MACROD2: variants seen among roughly 807,000 people sequenced by gnomAD.
MACROD2 encodes mono-ADP ribosylhydrolase 2, also known as ADP-ribose glycohydrolase MACROD2.
A neutral mutation model predicts 70.4 loss-of-function variants in MACROD2; 36 were observed. The observed-to-expected ratio is 0.51, with a 90% CI of 0.39 to 0.68. The LOEUF is 0.68. Among genes scored for constraint, MACROD2 ranks in the 30% least tolerant of loss-of-function variants. The pLI, the probability that MACROD2 is intolerant of heterozygous loss-of-function variation, is 0.00. For missense variants in MACROD2, 496 were observed against 538.4 expected (o/e 0.92, Z 0.78); for synonymous variants, 172 against 178.8 (o/e 0.96, Z 0.30).
At position 15,053,253 on chromosome 20, in the gene MACROD2, C is replaced by T. The variant is rs187785016; in HGVS notation, c.419-176687C>T. On this transcript the variant is annotated intron_variant, in intron 5 of 17. Coordinates refer to ENST00000684519, the MANE Select transcript of MACROD2 (RefSeq NM_001351661.2). ...GCTATACCAAATGACAGATTTTCAA[C>T]GTAGATGAAACAGCGTTATATTGGA... is the stretch of plus-strand genomic sequence containing the variant. 4.1e-4 allele frequency among the ~76,000 whole-genome samples: 63 copies of T among 152,250 alleles called. No individual in the cohort carries two copies. In the Middle Eastern group the frequency reaches 0.01, roughly 25 times the overall value.
chr20:14,353,162 TAGTC>T (rs2083140552), intron 3 of MACROD2, among the ~76,000 whole-genome samples: 1 of 152,156 alleles, frequency 6.6e-6, no homozygotes, highest in Non-Finnish European at 1.5e-5. Context: ...GTCCTCCACA[TAGTC>T]AGCGACCCAT....
At chr20:15,023,290 A>G (rs1009038201) in intron 5 of MACROD2, among the ~76,000 whole-genome samples, 3 of 152,208 alleles carry the variant, frequency 2.0e-5, no homozygotes, top group African/African-American at 7.2e-5. Flanking sequence ...TTAAATGGGC[A>G]TTTATATCTT....
chr20:14,467,829 C>T (rs376149588), intron 3 of MACROD2, among the ~76,000 whole-genome samples: 3 of 152,204 alleles, frequency 2.0e-5, no homozygotes, highest in South Asian at 2.1e-4. Flanking sequence ...TCATTAGTTT[C>T]GAAGAACTTA....
chr20:14,498,812 G>A (rs13036870), intron 4 of MACROD2, among the ~76,000 whole-genome samples: 23,233 of 152,170 alleles, frequency 0.15, 2,530 homozygotes, highest in Non-Finnish European at 0.22. Context: ...AGAGTGGAGC[G>A]CCCTCTCACC....
At chr20:15,251,509 A>G (rs971800061) in intron 6 of MACROD2, among the ~76,000 whole-genome samples, 1 of 152,210 alleles carries the variant, frequency 6.6e-6, no homozygotes, top group African/African-American at 2.4e-5. Flanking sequence ...TGCATCCCCT[A>G]TATTCCTTAA....
intron 8 of MACROD2, among the ~76,000 whole-genome samples, chr20:15,751,366 T>C (rs1240909441): frequency 1.3e-5 from 2 of 152,054 alleles, no homozygotes; most frequent in Non-Finnish European, 2.9e-5. Flanking sequence ...TACTTTATCA[T>C]AACATGTATA....
chr20:15,895,601 G>A (rs572826572), intron 10 of MACROD2, among the ~76,000 whole-genome samples: 41 of 152,314 alleles, frequency 2.7e-4, no homozygotes, highest in African/African-American at 9.9e-4. Context: ...AAAGAGACAT[G>A]GGGTTTTCCT....
At chr20:15,897,325 A>T (rs941488868) in intron 10 of MACROD2, among the ~76,000 whole-genome samples, 1 of 152,072 alleles carries the variant, frequency 6.6e-6, no homozygotes, top group Admixed American at 6.6e-5. Flanking sequence ...GTCTGTTTTG[A>T]CAATCTACTC....
intron 9 of MACROD2, among the ~76,000 whole-genome samples, chr20:15,874,050 G>A (rs539533797): frequency 1.1e-4 from 16 of 150,942 alleles, no homozygotes; most frequent in African/African-American, 2.9e-4. Context: ...TTCTCCTAAC[G>A]CTATCCCTCC....
chr20:14,290,507 A>AT (rs11350359), intron 3 of MACROD2, among the ~76,000 whole-genome samples: 2,198 of 133,152 alleles, frequency 0.017, 24 homozygotes, highest in Middle Eastern at 0.052. Flanking sequence ...AGGTAGCTGT[A>AT]TTTTTTTTTT....
chr20:14,201,920 TATAACAATATATA>T (rs1412503943), intron 3 of MACROD2, among the ~76,000 whole-genome samples: 3 of 151,740 alleles, frequency 2.0e-5, no homozygotes, highest in African/African-American at 7.3e-5. Flanking sequence ...GCATGTCACA[TATAACAATATATA>T]ATATATATTG....
chr20:14,527,283 C>G (rs2085245185), intron 4 of MACROD2, among the ~76,000 whole-genome samples: 1 of 152,130 alleles, frequency 6.6e-6, no homozygotes, highest in African/African-American at 2.4e-5. Flanking sequence ...TTTTCGTAGG[C>G]ACACGATGGG....
rs1041849822 is a variant in MACROD2, at chr20:14,966,450, C to T, written c.419-263490C>T. ...AGTCATTAAAGCATGGTGGTGCATG[C>T]CTGTAGACCCAGCTACTCAGGAGGC... On this transcript the variant is annotated intron_variant, in intron 5 of 17. Coordinates refer to ENST00000684519, the MANE Select transcript of MACROD2 (RefSeq NM_001351661.2). Among the ~76,000 whole-genome samples the T allele has an allele frequency of 2.6e-5, 4 of 152,106 alleles. No homozygotes were observed. The East Asian group carries it at 7.7e-4, about 29-fold the overall frequency.
chr20:14,211,235 C>A (rs1362224038), intron 3 of MACROD2, among the ~76,000 whole-genome samples: 2 of 152,164 alleles, frequency 1.3e-5, no homozygotes, highest in Non-Finnish European at 2.9e-5. Flanking sequence ...CTGATGTTTT[C>A]ATTTCCTAGC....
chr20:15,797,789 A>G (rs1437673331), intron 8 of MACROD2, among the ~76,000 whole-genome samples: 1 of 152,202 alleles, frequency 6.6e-6, no homozygotes, highest in East Asian at 1.9e-4. Context: ...TGAAGGGCTT[A>G]CTAAAGCAAA....
intron 4 of MACROD2, among the ~76,000 whole-genome samples, chr20:14,675,074 T>C (rs2070843293): frequency 6.6e-6 from 1 of 152,160 alleles, no homozygotes; most frequent in African/African-American, 2.4e-5. Context: ...AAACCTACTT[T>C]TGATTGGTGT....
chr20:15,393,625 A>G (rs1342963504), intron 6 of MACROD2, among the ~76,000 whole-genome samples: 1 of 151,996 alleles, frequency 6.6e-6, no homozygotes, highest in Non-Finnish European at 1.5e-5. Context: ...TTTCATTTCA[A>G]TGTCCGCTGT....
intron 2 of MACROD2, among the ~76,000 whole-genome samples, chr20:14,017,356 A>G (rs1177924241): frequency 2.6e-5 from 4 of 152,062 alleles, no homozygotes; most frequent in African/African-American, 9.7e-5. Flanking sequence ...TTCCAATATT[A>G]TGTTGGCTAG....
chr20:14,635,621 G>T (rs1191337952), intron 4 of MACROD2, among the ~76,000 whole-genome samples: 1 of 152,136 alleles, frequency 6.6e-6, no homozygotes, highest in Non-Finnish European at 1.5e-5. Context: ...TCTGCCTGAT[G>T]TATTTGTCAT....
Sources: gnomAD v4.1 joint callset for allele counts (sites outside exome capture counted in the v4.1 genomes callset) on GRCh38, gnomAD v4.1.1 for gene constraint, MANE v1.5 for transcripts, NCBI Gene and HGNC (gene_info 2026-07-23, HGNC 2026-07-21) for gene names.